CACNA1B: variants seen among roughly 807,000 people sequenced by gnomAD.
CACNA1B encodes the protein voltage-dependent N-type calcium channel subunit alpha-1B.
In CACNA1B, 70 loss-of-function variants were observed where a neutral mutation model predicts 247.2. That is an observed-to-expected ratio of 0.28 (90% confidence interval 0.23 to 0.35). CACNA1B has a LOEUF of 0.35. Among genes scored for constraint, CACNA1B ranks in the 10% least tolerant of loss-of-function variants. CACNA1B has a pLI of 1.00. For missense variants in CACNA1B, 2,367 were observed against 3,197.4 expected, an observed-to-expected ratio of 0.74 and a Z score of 6.26; for synonymous variants, 1,231 against 1,294.4, an observed-to-expected ratio of 0.95 and a Z score of 1.05.
intron 6 of CACNA1B, among the ~76,000 whole-genome samples, chr9:137,939,327 C>T (rs1957704715): frequency 6.6e-6 from 1 of 152,070 alleles, no homozygotes; most frequent in Non-Finnish European, 1.5e-5. Context: ...CAAAATGAGC[C>T]TCAATAAATT....
At chr9:137,935,854 C>T (rs879377368) in intron 6 of CACNA1B, among the ~76,000 whole-genome samples, 11 of 151,770 alleles carry the variant, frequency 7.2e-5, no homozygotes, top group South Asian at 4.2e-4. Context: ...GGCTCACTGC[C>T]GCCCAGGCCG....
chr9:137,920,090 T>C (rs949591082), intron 6 of CACNA1B, among the ~76,000 whole-genome samples: 2 of 152,158 alleles, frequency 1.3e-5, no homozygotes, highest in African/African-American at 4.8e-5. Flanking sequence ...AGGGGCCGTG[T>C]CTTTCTCTTC....
At chr9:138,082,680 C>A (rs1022672781) in intron 36 of CACNA1B, among the ~76,000 whole-genome samples, 1 of 151,284 alleles carries the variant, frequency 6.6e-6, no homozygotes, top group African/African-American at 2.4e-5. Flanking sequence ...GTATAAAGAA[C>A]TTCTACAACT....
At chr9:138,015,185 GC>G (rs1459075821) in intron 18 of CACNA1B, among the ~76,000 whole-genome samples, 1 of 152,164 alleles carries the variant, frequency 6.6e-6, no homozygotes. Flanking sequence ...GCCCAAGCCA[GC>G]CCGAGGCGTC....
At chr9:137,916,428 G>A (rs906388891) in intron 5 of CACNA1B, among the ~76,000 whole-genome samples, 2 of 152,160 alleles carry the variant, frequency 1.3e-5, no homozygotes, top group African/African-American at 2.4e-5. Context: ...CCAGAGATTA[G>A]CAGTGGTTTT....
intron 15 of CACNA1B, among the ~76,000 whole-genome samples, chr9:137,992,640 C>A (rs1409643804): frequency 6.6e-6 from 1 of 152,070 alleles, no homozygotes; most frequent in East Asian, 1.9e-4. Flanking sequence ...AATATACATT[C>A]TATTCATCAG....
At chr9:137,879,264 G>A (rs374506087) in intron 2 of CACNA1B, 105 bp downstream of exon 2, 13 of 723,810 alleles carry the variant, frequency 1.8e-5, no homozygotes, top group African/African-American at 1.0e-4. Context: ...GGGTCGTCTG[G>A]GCAGTGCCCC....
rs1958196162 is a variant in CACNA1B at position 137,974,595 on chromosome 9, G to C, written c.1544-1312G>C. On this transcript the variant is annotated intron_variant, in intron 11 of 46. Transcript: ENST00000371372. The surrounding 1 kb of genome is among the most constrained non-coding windows in gnomAD (Gnocchi z 4.5). ...ACTTGCCCCCGACCGAGGCTGTCTGGACCTGTGCAGCACAGCCCTTGGTGG... is the reference window on the plus strand; with the variant it reads ...ACTTGCCCCCGACCGAGGCTGTCTGCACCTGTGCAGCACAGCCCTTGGTGG... Among the ~76,000 whole-genome samples the C allele has an allele frequency of 1.3e-5, 2 of 152,232 alleles. No individual in the cohort carries two copies. The highest frequency in any genetic ancestry group is 2.9e-5 in the Non-Finnish European group (2 of 68,036).
At chr9:137,922,943 C>T (rs1370572435) in intron 6 of CACNA1B, among the ~76,000 whole-genome samples, 1 of 152,170 alleles carries the variant, frequency 6.6e-6, no homozygotes, top group Non-Finnish European at 1.5e-5. Context: ...CTCCTGCCCT[C>T]GCCCCCTCCT....
intron 45 of CACNA1B, 61 bp downstream of exon 45, chr9:138,120,433 A>G (rs940250794): frequency 1.3e-6 from 2 of 1,484,186 alleles, no homozygotes; most frequent in African/African-American, 1.4e-5. Context: ...AGGGGGTCCA[A>G]GCGGCCCATG....
intron 36 of CACNA1B, among the ~76,000 whole-genome samples, chr9:138,087,338 T>C (rs867491850): frequency 2.1e-5 from 3 of 139,966 alleles, no homozygotes; most frequent in African/African-American, 8.6e-5. Flanking sequence ...TGAGCCAAGA[T>C]TGCACCACTG....
intron 6 of CACNA1B, among the ~76,000 whole-genome samples, chr9:137,928,452 C>T (rs558088087): frequency 3.3e-5 from 5 of 152,154 alleles, no homozygotes; most frequent in Non-Finnish European, 5.9e-5. Flanking sequence ...CAAGGTAACA[C>T]AAGCTTCATA....
chr9:137,904,352 C>CTTTTTTTT (rs11351694), intron 3 of CACNA1B, among the ~76,000 whole-genome samples: 1 of 80,394 alleles, frequency 1.2e-5, no homozygotes, highest in Non-Finnish European at 2.2e-5. Flanking sequence ...CTCTCTCTCT[C>CTTTTTTTT]TTTTTTTTTT....
chr9:138,050,158 A>C lies in CACNA1B; in HGVS notation c.3710+843A>C, dbSNP rs1021443591. 1.4e-5 allele frequency: 16 copies of C among 1,114,178 alleles called. No individual in the cohort carries two copies. The East Asian group carries it at 9.3e-4, about 65-fold the overall frequency. The allele number at this position is 1,114,178 out of a possible 1,614,324, so 69.0% of individuals were successfully genotyped here. A position where few individuals can be genotyped will look rare whatever the true frequency, so the allele number is the denominator to read the frequency against. On this transcript the variant is annotated intron_variant, in intron 24 of 46. Coordinates refer to ENST00000371372, the MANE Select transcript of CACNA1B (RefSeq NM_000718.4). This position sits in a 1 kb window ranked among gnomAD's most constrained non-coding sequence, Gnocchi z 5.2. ...CCAGCAGCCCCTCTTGGGTCATTTCATCTCCAGCCTCACCCCCCGCCCATC... is the reference window on the plus strand; with the variant it reads ...CCAGCAGCCCCTCTTGGGTCATTTCCTCTCCAGCCTCACCCCCCGCCCATC...
chr9:138,082,956 G>A (rs1960571737), intron 36 of CACNA1B, among the ~76,000 whole-genome samples: 1 of 150,276 alleles, frequency 6.7e-6, no homozygotes, highest in Admixed American at 6.6e-5. Context: ...ACTAGGATCA[G>A]CTGGGACCTA....
At chr9:138,086,267 G>C (rs1960690340) in intron 36 of CACNA1B, among the ~76,000 whole-genome samples, 1 of 151,224 alleles carries the variant, frequency 6.6e-6, no homozygotes, top group African/African-American at 2.4e-5. Context: ...CACATATAGA[G>C]TGAAAGTAAA....
chr9:138,115,784 C>A, intron 42 of CACNA1B, 105 bp downstream of exon 42: 1 of 1,238,260 alleles, frequency 8.1e-7, no homozygotes, highest in Non-Finnish European at 1.1e-6. Flanking sequence ...CTCACTTCCA[C>A]TGGCCTCTGG....
chr9:137,997,911 G>A (rs1958518600), intron 15 of CACNA1B, among the ~76,000 whole-genome samples: 1 of 152,232 alleles, frequency 6.6e-6, no homozygotes, highest in South Asian at 2.1e-4. Flanking sequence ...AAATGGATAA[G>A]AGAAGTGTGA....
At chr9:137,896,238 CA>C (rs34505431) in intron 3 of CACNA1B, among the ~76,000 whole-genome samples, 9,025 of 69,806 alleles carry the variant, frequency 0.13, 172 homozygotes, top group Admixed American at 0.17. Flanking sequence ...GACTCTGTCT[CA>C]AAAAAAAAAA....
Sources: allele counts gnomAD v4.1 joint callset (sites outside exome capture counted in the v4.1 genomes callset), GRCh38; gene constraint gnomAD v4.1.1; non-coding constraint Gnocchi (gnomAD v3.1); transcripts MANE v1.5; gene names NCBI Gene and HGNC (gene_info 2026-07-23, HGNC 2026-07-21).